KCNMA1: variants seen among roughly 807,000 people sequenced by gnomAD.
The protein encoded by KCNMA1 is Calcium-activated potassium channel subunit alpha-1.
Under a neutral mutation model 140.0 loss-of-function variants are expected in KCNMA1, and 29 were observed. The ratio of observed to expected loss-of-function variants is 0.21; its 90% CI spans 0.15 to 0.28. The LOEUF (loss-of-function observed/expected upper bound fraction) is 0.28, where lower values mean the gene tolerates loss of function less well. Among genes scored for constraint, KCNMA1 ranks in the 10% least tolerant of loss-of-function variants. The pLI is 1.00. For missense variants in KCNMA1, 880 were observed against 1,602.2 expected, an observed-to-expected ratio of 0.55 and a Z score of 7.70; for synonymous variants, 612 against 611.9, an observed-to-expected ratio of 1.00 and a Z score of 0.00.
chr10:76,890,372 C>T (rs1013130814), intron 26 of KCNMA1, among the ~76,000 whole-genome samples: 6 of 152,142 alleles, frequency 3.9e-5, no homozygotes, highest in African/African-American at 1.2e-4. Flanking sequence ...CTTTGTCCTT[C>T]CAATCATTGG....
intron 2 of KCNMA1, among the ~76,000 whole-genome samples, chr10:77,345,300 A>T (rs1318454643): frequency 1.3e-5 from 2 of 152,200 alleles, no homozygotes; most frequent in African/African-American, 4.8e-5. Flanking sequence ...CCCATCTACC[A>T]TATCTCCATA....
At position 77,126,858 on chromosome 10, in the gene KCNMA1, T is replaced by C. The variant is rs568924942; in HGVS notation, c.809-5810A>G. On this transcript the variant is annotated intron_variant, in intron 5 of 27. Transcript: ENST00000286628. ...AGGCAGCTGCAGCCAGCCTGAGTTC[T>C]CCACCCTTATTCCCTCACAGGCATG... Among the ~76,000 whole-genome samples the C allele has an allele frequency of 3.3e-5, 5 of 152,144 alleles. No individual in the cohort carries two copies. The East Asian group carries it at 9.7e-4, about 29-fold the overall frequency.
intron 6 of KCNMA1, among the ~76,000 whole-genome samples, chr10:77,119,723 T>C (rs534892486): frequency 6.6e-6 from 1 of 152,324 alleles, no homozygotes; most frequent in East Asian, 1.9e-4. Context: ...AACAGAGGAC[T>C]GATAAATTCT....
intron 18 of KCNMA1, chr10:77,008,271 T>C (rs1192215447): frequency 7.0e-7 from 1 of 1,427,432 alleles, no homozygotes; most frequent in Non-Finnish European, 9.5e-7. Flanking sequence ...CAAAGATATG[T>C]CAATGATTTG....
chr10:77,220,167 A>G (rs1391649096), intron 3 of KCNMA1, among the ~76,000 whole-genome samples: 1 of 152,228 alleles, frequency 6.6e-6, no homozygotes, highest in Non-Finnish European at 1.5e-5. Flanking sequence ...ACAAATGAAG[A>G]AACTGAGGCA....
intron 1 of KCNMA1, chr10:77,634,766 AAG>A: frequency 3.2e-6 from 1 of 312,758 alleles, no homozygotes; most frequent in Non-Finnish European, 4.4e-6. Context: ...GGAAAGAAAA[AAG>A]AAAAAAAGAC....
chr10:77,411,509 G>A (rs967021857), intron 1 of KCNMA1, among the ~76,000 whole-genome samples: 2 of 152,190 alleles, frequency 1.3e-5, no homozygotes, highest in African/African-American at 4.8e-5. Flanking sequence ...AGCTGGCCCA[G>A]GAAGACACAG....
At chr10:77,501,210 TC>T (rs2043764991) in intron 1 of KCNMA1, among the ~76,000 whole-genome samples, 1 of 152,202 alleles carries the variant, frequency 6.6e-6, no homozygotes, top group African/African-American at 2.4e-5. Flanking sequence ...GAATAGTGCC[TC>T]CTCTTGGCAT....
chr10:77,003,288 C>T (rs2087118526), intron 18 of KCNMA1, among the ~76,000 whole-genome samples: 1 of 148,574 alleles, frequency 6.7e-6, no homozygotes, highest in Admixed American at 7.0e-5. Context: ...TATATCATTC[C>T]TTTGAGCTTT....
At chr10:77,021,234 C>T (rs1159806964) in intron 16 of KCNMA1, 4 of 152,158 alleles carry the variant, frequency 2.6e-5, no homozygotes, top group Admixed American at 2.6e-4. Context: ...GTAAGCCTCA[C>T]ACTTCTCATC....
chr10:76,999,537 C>T (rs1254698461), intron 19 of KCNMA1, among the ~76,000 whole-genome samples: 2 of 152,310 alleles, frequency 1.3e-5, no homozygotes, highest in East Asian at 3.9e-4. Flanking sequence ...CTCCCCAGCA[C>T]CTATCTTTGA....
intron 14 of KCNMA1, among the ~76,000 whole-genome samples, chr10:77,054,571 TATTA>T (rs1340929899): frequency 2.0e-5 from 3 of 152,288 alleles, no homozygotes; most frequent in Admixed American, 2.0e-4. Context: ...TATTCATAGA[TATTA>T]ATTAGTTACA....
Position 77,067,171 on chromosome 10 carries a change from G to C in KCNMA1, c.1749+5926C>G, listed in dbSNP as rs1289387937. ...ATTTGTGGAGTGAGTAAAGCAGATTGCTCCCCCAACAACCCTCAACCCAAC... is the reference window on the plus strand; with the variant it reads ...ATTTGTGGAGTGAGTAAAGCAGATTCCTCCCCCAACAACCCTCAACCCAAC... On this transcript the variant is annotated intron_variant, in intron 14 of 27. Coordinates refer to ENST00000286628, the MANE Select transcript of KCNMA1 (RefSeq NM_001161352.2). 2.0e-5 allele frequency among the ~76,000 whole-genome samples: 3 copies of C among 152,108 alleles called. No individual in the cohort carries two copies. In the South Asian group the frequency reaches 6.2e-4, roughly 32 times the overall value.
intron 23 of KCNMA1, among the ~76,000 whole-genome samples, chr10:76,919,020 GACTGGAGACT>G (rs2054219380): frequency 6.6e-6 from 1 of 151,664 alleles, no homozygotes; most frequent in African/African-American, 2.4e-5. Flanking sequence ...ACCTGGATGA[GACTGGAGACT>G]ATTATTCTAA....
chr10:77,174,721 T>C (rs951334841), intron 5 of KCNMA1, among the ~76,000 whole-genome samples: 1 of 152,222 alleles, frequency 6.6e-6, no homozygotes, highest in Non-Finnish European at 1.5e-5. Context: ...ACCTGAGAGC[T>C]GGTGGAAATG....
intron 14 of KCNMA1, among the ~76,000 whole-genome samples, chr10:77,057,340 A>T (rs2095577029): frequency 6.6e-6 from 1 of 152,174 alleles, no homozygotes; most frequent in Non-Finnish European, 1.5e-5. Flanking sequence ...AAAGTGAAAT[A>T]AAGATATTTT....
At chr10:77,148,117 GCA>G (rs1481898950) in intron 5 of KCNMA1, among the ~76,000 whole-genome samples, 1 of 152,114 alleles carries the variant, frequency 6.6e-6, no homozygotes, top group Admixed American at 6.5e-5. Flanking sequence ...GCCTCATCCT[GCA>G]CCTGCCATGA....
intron 1 of KCNMA1, among the ~76,000 whole-genome samples, chr10:77,430,029 T>C (rs1246707405): frequency 6.6e-6 from 1 of 152,212 alleles, no homozygotes; most frequent in Non-Finnish European, 1.5e-5. Context: ...CTCACAGCCA[T>C]GTCACAATTT....
intron 1 of KCNMA1, among the ~76,000 whole-genome samples, chr10:77,501,029 T>C (rs2043686162): frequency 6.6e-6 from 1 of 152,206 alleles, no homozygotes; most frequent in African/African-American, 2.4e-5. Context: ...CCCTCCAGGT[T>C]GTTCTAATGC....
Sources: allele counts gnomAD v4.1 joint callset (sites outside exome capture counted in the v4.1 genomes callset), GRCh38; gene constraint gnomAD v4.1.1; transcripts MANE v1.5; gene names NCBI Gene and HGNC (gene_info 2026-07-23, HGNC 2026-07-21).